The following CPT1B variants were observed in gnomAD, a reference collection of about 807,000 sequenced individuals.
CPT1B encodes carnitine O-palmitoyltransferase 1, muscle isoform.
Under a neutral mutation model 92.7 loss-of-function variants are expected in CPT1B, and 57 were observed. The ratio of observed to expected loss-of-function variants is 0.62; its 90% confidence interval spans 0.50 to 0.77. The LOEUF is 0.77. Ranked by LOEUF, CPT1B falls within the 30% of genes least tolerant of loss-of-function variation. CPT1B has a pLI of 0.00. For synonymous variants in CPT1B, 398 were observed against 383.5 expected (o/e 1.04, Z -0.44); for missense variants, 983 against 1,017.4 (o/e 0.97, Z 0.46).
intron 9 of CPT1B, chr22:50,574,010 C>CT: frequency 1.4e-6 from 1 of 696,630 alleles, no homozygotes; most frequent in Admixed American, 2.0e-5. Context: ...GGGAAGGCTG[C>CT]TGCCTCTGCC....
At position 50,577,900 on chromosome 22, in the gene CPT1B, G is replaced by A. The variant is rs781389802; in HGVS notation, c.16C>T (p.Gln6Ter). 2 of 1,611,252 alleles carry A rather than the reference G, an allele frequency of 1.2e-6. No homozygotes were observed. The highest frequency in any genetic ancestry group is 2.2e-5 in the East Asian group (1 of 44,810). ...ACCGTGAACTGGAAGGCCACGGCCT[G>A]GTGAGCTTCCGCCATCCTGGGGGTT... MAEAH[Q>*]AVAFQFTVTP... The change falls in exon 2 of 20, where the codon CAG (glutamine) becomes TAG (stop). Residue 6 changes from glutamine to a stop codon, truncating the protein, a stop_gained. Coordinates refer to ENST00000312108, the MANE Select transcript of CPT1B (RefSeq NM_152246.3). LOFTEE classifies it high-confidence loss of function.
At chr22:50,575,165 C>T (rs1462712693) in intron 7 of CPT1B, among the ~76,000 whole-genome samples, 1 of 152,072 alleles carries the variant, frequency 6.6e-6, no homozygotes, top group Non-Finnish European at 1.5e-5. Context: ...AGACGCCCAC[C>T]ACCACGCCCG....
Position 50,577,766 on chromosome 22 carries a change from T to C in CPT1B, c.141+9A>G. On this transcript the variant is annotated intron_variant, in intron 2 of 19. Transcript: ENST00000312108. ...CTGCCTACGCTCTGGGAGAAGCACC[T>C]GTGCGCACCTTGATGCGGATCAGGC... The C allele has an allele frequency of 6.2e-7, 1 of 1,611,384 alleles. No homozygotes were observed. The highest frequency in any genetic ancestry group is 8.5e-7 in the Non-Finnish European group (1 of 1,177,916).
At chr22:50,578,039 C>G in intron 1 of CPT1B, 105 bp from the exon 2 acceptor site, 1 of 708,778 alleles carries the variant, frequency 1.4e-6, no homozygotes, top group East Asian at 5.5e-5. Flanking sequence ...CCCCCCACCC[C>G]GCGACTAGCG....
At chr22:50,572,339 A>C in intron 11 of CPT1B, 31 bp from the exon 12 acceptor site, 1 of 1,501,358 alleles carries the variant, frequency 6.7e-7, no homozygotes, top group African/African-American at 1.4e-5. Context: ...TGAAGAACCA[A>C]AGCTGGGAAT....
chr22:50,573,515 A>G lies in CPT1B; in HGVS notation c.1166+5T>C. 6.2e-7 allele frequency: 1 copy of G among 1,604,588 alleles called. No homozygotes were observed. On this transcript the variant is annotated splice_donor_5th_base_variant and intron_variant, in intron 10 of 19. Coordinates refer to ENST00000312108, the MANE Select transcript of CPT1B (RefSeq NM_152246.3). The surrounding 1 kb of genome is among the most constrained non-coding windows in gnomAD (Gnocchi z 5.0). ...TGGGGACAGTCCCTTCCTAGAGGCC[A>G]ATACCTTCCTCCTGCAGTGAGGGCT...
At position 50,570,956 on chromosome 22, in the gene CPT1B, T is replaced by C; in HGVS notation, c.1963A>G (p.Arg655Gly). Reference protein sequence around the residue: ...RLAMTGAGIDRHLFCLYLVSK... With the variant: ...RLAMTGAGIDGHLFCLYLVSK... ...ACCAAGTAAAGGCAGAAGAGGTGCC[T>C]GTCGATCCCTGCCCCGGTCATGGCC... The change falls in exon 16 of 20, where the codon AGG becomes GGG. Residue 655 changes from arginine to glycine, a missense_variant. Physicochemically the swap from Arg to Gly is moderately radical, Grantham distance 125 (BLOSUM62 -2). Coordinates refer to ENST00000312108, the MANE Select transcript of CPT1B (RefSeq NM_152246.3). The C allele has an allele frequency of 6.2e-7, 1 of 1,613,980 alleles. No individual in the cohort carries two copies. Among genetic ancestry groups the C allele is most frequent in the Non-Finnish European group, 8.5e-7 (1 of 1,180,032 alleles).
intron 15 of CPT1B, 22 bp downstream of exon 15, chr22:50,571,136 C>A (rs369704504): frequency 1.2e-6 from 2 of 1,613,746 alleles, no homozygotes; most frequent in Non-Finnish European, 1.7e-6. Context: ...CTGTGACCCC[C>A]ACATGGGCAG....
rs776668369 is a variant in CPT1B at position 50,574,383 on chromosome 22, G to A, written c.922C>T (p.Gln308Ter). Residue 308 changes from glutamine (Q) to a stop codon, truncating the protein, a stop_gained, in exon 9 of 20, where the codon CAG (glutamine) becomes TAG (stop). Coordinates refer to ENST00000312108, the MANE Select transcript of CPT1B (RefSeq NM_152246.3). LOFTEE classifies it high-confidence loss of function. ...GTGGTGTTGAACATCCTCTCCATCT[G>A]GTAGGAGCACATAGGCACTATGCCC... Reference protein sequence around the residue: ...ALGIVPMCSYQMERMFNTTRI... With the variant: ...ALGIVPMCSY 6.2e-7 allele frequency: 1 copy of A among 1,614,014 alleles called. No homozygotes were observed. The highest frequency in any genetic ancestry group is 8.5e-7 in the Non-Finnish European group (1 of 1,179,970).
chr22:50,573,181 C>T lies in CPT1B; in HGVS notation c.1167-121G>A. ...AGGCTGGACCTGGAGATGGGGGGTA[C>T]CACGCTGGACCTGGAGATGTGGGGG... is the stretch of plus-strand genomic sequence containing the variant. On this transcript the variant is annotated intron_variant, in intron 10 of 19. Transcript: ENST00000312108. This position sits in a 1 kb window ranked among gnomAD's most constrained non-coding sequence, Gnocchi z 5.0. 1.2e-6 allele frequency: 1 copy of T among 810,506 alleles called. No individual in the cohort carries two copies. The highest frequency in any genetic ancestry group is 1.9e-6 in the Non-Finnish European group (1 of 520,502). 50.2% of individuals were successfully genotyped at this position (810,506 alleles called of 1,614,324 possible).
At chr22:50,575,520 C>T (rs537607568) in intron 7 of CPT1B, among the ~76,000 whole-genome samples, 1 of 152,300 alleles carries the variant, frequency 6.6e-6, no homozygotes, top group Non-Finnish European at 1.5e-5. Flanking sequence ...AGAGGCATGC[C>T]ATACAGCCCA....
In CPT1B at chr22:50,577,825, C is replaced by CGG; in HGVS notation, c.90_91insCC (p.Val31ProfsTer14). 1 of 1,613,890 alleles carries CGG rather than the reference C, an allele frequency of 6.2e-7. No individual in the cohort carries two copies. Among genetic ancestry groups the CGG allele is most frequent in the Non-Finnish European group, 8.5e-7 (1 of 1,179,918 alleles). Reference sequence around the variant, plus strand: ...CAGGAGTTGATCCCAGACAGGTAGACGTGTTTCAGGGCCTCCCGACTGAGC... The same window carrying CGG: ...CAGGAGTTGATCCCAGACAGGTAGACGGGTGTTTCAGGGCCTCCCGACTGAGC... On this transcript the variant is annotated frameshift_variant, in exon 2 of 20. Coordinates refer to ENST00000312108, the MANE Select transcript of CPT1B (RefSeq NM_152246.3). LOFTEE classifies it high-confidence loss of function.
At chr22:50,571,693 G>T (rs1203881294) in intron 13 of CPT1B, among the ~76,000 whole-genome samples, 154 bp from the exon 14 acceptor site, 2 of 152,212 alleles carry the variant, frequency 1.3e-5, no homozygotes, top group East Asian at 1.9e-4. Flanking sequence ...GTCTGAGGGA[G>T]AATCAGCCCC....
Position 50,576,183 on chromosome 22 carries a change from G to A in CPT1B, c.699+15C>T. On this transcript the variant is annotated intron_variant, in intron 6 of 19. Transcript: ENST00000312108. ...CACATGGCAGGTGACAGTGAGCCCA[G>A]GGGCAGGAACTTACATAGTTACTTG... 6.2e-7 allele frequency: 1 copy of A among 1,614,120 alleles called. No homozygotes were observed. Among genetic ancestry groups the A allele is most frequent in the Admixed American group, 1.7e-5 (1 of 60,032 alleles).
rs370199879 is a variant in CPT1B at position 50,571,370 on chromosome 22, C to T, written c.1740+5G>A. On this transcript the variant is annotated splice_donor_5th_base_variant and intron_variant, in intron 14 of 19. Transcript: ENST00000312108. ...CCTCTCAGCAGCGGGAGGCGGGGCT[C>T]CTACCCGGAAGTGAGCCAGCTGCAG... 47 of 1,613,706 alleles carry T rather than the reference C, an allele frequency of 2.9e-5. No homozygotes were observed. Among genetic ancestry groups the T allele is most frequent in the Non-Finnish European group, 3.5e-5 (41 of 1,179,974 alleles).
intron 5 of CPT1B, 45 bp from the exon 6 acceptor site, chr22:50,576,380 T>C (rs2070437150): frequency 3.1e-6 from 5 of 1,613,122 alleles, no homozygotes; most frequent in Non-Finnish European, 4.2e-6. Flanking sequence ...TGGCAAGGGC[T>C]GCCTCTATCT....
chr22:50,572,462 G>T (rs895182803), intron 11 of CPT1B, among the ~76,000 whole-genome samples, 154 bp from the exon 12 acceptor site: 1 of 151,874 alleles, frequency 6.6e-6, no homozygotes, highest in Non-Finnish European at 1.5e-5. Context: ...TTGCTCTGTT[G>T]CCCAGGCTGG....
intron 7 of CPT1B, 150 bp from the exon 8 acceptor site, chr22:50,574,750 G>A: frequency 1.6e-6 from 1 of 640,990 alleles, no homozygotes; most frequent in African/African-American, 1.8e-5. Context: ...TGAACCTCCA[G>A]AAATGCACAA....
intron 19 of CPT1B, 58 bp from the exon 20 acceptor site, chr22:50,569,139 C>A (rs1024272759): frequency 1.7e-5 from 9 of 516,618 alleles, no homozygotes; most frequent in Admixed American, 3.6e-5. Context: ...AAAAAAAAAT[C>A]AAAATTCCCT....
Sources: allele counts gnomAD v4.1 joint callset (sites outside exome capture counted in the v4.1 genomes callset), GRCh38; gene constraint gnomAD v4.1.1; non-coding constraint Gnocchi (gnomAD v3.1); transcripts MANE v1.5; gene names NCBI Gene and HGNC (gene_info 2026-07-23, HGNC 2026-07-21).